Variants in SLIT3 observed in about 807,000 individuals in gnomAD.
SLIT3 encodes slit homolog 3 protein.
Under a neutral mutation model 184.0 loss-of-function variants are expected in SLIT3, and 68 were observed. The ratio of observed to expected loss-of-function variants is 0.37; its 90% CI spans 0.30 to 0.45. SLIT3 has a LOEUF of 0.45. Among genes scored for constraint, SLIT3 ranks in the 20% least tolerant of loss-of-function variants. SLIT3 has a pLI of 1.00. For synonymous variants in SLIT3, 831 were observed against 828.6 expected, an observed-to-expected ratio of 1.00 and a Z score of -0.05; for missense variants, 1,707 against 2,026.0, an observed-to-expected ratio of 0.84 and a Z score of 3.02.
chr5:169,274,485 G>A (rs143821263), intron 1 of SLIT3, among the ~76,000 whole-genome samples: 3,170 of 152,274 alleles, frequency 0.021, 62 homozygotes, highest in South Asian at 0.065. Context: ...AGTGCCTGGG[G>A]CCTAGTCAGT....
chr5:169,029,659 T>C (rs1482962661), intron 4 of SLIT3, among the ~76,000 whole-genome samples: 1 of 152,262 alleles, frequency 6.6e-6, no homozygotes, highest in Non-Finnish European at 1.5e-5. Context: ...CATCTTCCTG[T>C]GTTTTGCAAA....
chr5:169,220,901 A>G (rs1445754352), intron 3 of SLIT3, among the ~76,000 whole-genome samples: 1 of 151,764 alleles, frequency 6.6e-6, no homozygotes, highest in East Asian at 1.9e-4. Flanking sequence ...CTACCCCCCA[A>G]CTTCTCCCTT....
intron 4 of SLIT3, among the ~76,000 whole-genome samples, chr5:169,150,434 G>A (rs963846977): frequency 7.9e-5 from 12 of 151,912 alleles, no homozygotes; most frequent in Non-Finnish European, 1.5e-4. Context: ...CTAAACAAAG[G>A]TCTAACTAAG....
chr5:169,009,098 T>TA (rs5873139), intron 4 of SLIT3, among the ~76,000 whole-genome samples: 24,105 of 151,922 alleles, frequency 0.16, 2,145 homozygotes, highest in East Asian at 0.41. Flanking sequence ...AATTTTTTTT[T>TA]AAAAGAGAAA....
intron 9 of SLIT3, among the ~76,000 whole-genome samples, chr5:168,796,437 A>G (rs1468219994): frequency 6.6e-6 from 1 of 152,004 alleles, no homozygotes; most frequent in Non-Finnish European, 1.5e-5. Flanking sequence ...GGGGCGCTCT[A>G]TTCGGGGTGA....
At chr5:169,168,947 C>T (rs297863) in intron 4 of SLIT3, among the ~76,000 whole-genome samples, 36,378 of 152,176 alleles carry the variant, frequency 0.24, 4,893 homozygotes, top group Middle Eastern at 0.36. Context: ...GCTCCTCTCC[C>T]TCCACCAAAG....
chr5:169,033,328 C>G (rs1193473234), intron 4 of SLIT3, among the ~76,000 whole-genome samples: 2 of 152,108 alleles, frequency 1.3e-5, no homozygotes, highest in Non-Finnish European at 2.9e-5. Context: ...ACATATACCA[C>G]AGTGTATTCA....
At chr5:168,801,763 C>T (rs573445948) in intron 9 of SLIT3, among the ~76,000 whole-genome samples, 10 of 152,324 alleles carry the variant, frequency 6.6e-5, no homozygotes, top group South Asian at 2.1e-4. Context: ...ACGGTGCCAT[C>T]GGTGGGAGCT....
chr5:168,890,550 A>G (rs1385928837), intron 4 of SLIT3, among the ~76,000 whole-genome samples: 2 of 152,226 alleles, frequency 1.3e-5, no homozygotes, highest in Non-Finnish European at 2.9e-5. Context: ...ATTTTTAAAA[A>G]TTTAAAGTGA....
intron 8 of SLIT3, among the ~76,000 whole-genome samples, chr5:168,813,965 T>C (rs1757246786): frequency 6.6e-6 from 1 of 152,242 alleles, no homozygotes; most frequent in Non-Finnish European, 1.5e-5. Context: ...GCTACCCCAA[T>C]GCCTCTTTTC....
intron 1 of SLIT3, among the ~76,000 whole-genome samples, chr5:169,281,100 C>T (rs1766977234): frequency 6.6e-6 from 1 of 152,296 alleles, no homozygotes; most frequent in African/African-American, 2.4e-5. Context: ...CAATTACTGC[C>T]ATAGAGCCAA....
chr5:169,221,179 CAAACTT>C (rs1764608457), intron 3 of SLIT3, among the ~76,000 whole-genome samples: 1 of 152,208 alleles, frequency 6.6e-6, no homozygotes, highest in African/African-American at 2.4e-5. Flanking sequence ...TTTGTATAAT[CAAACTT>C]AAGCTCTTTT....
intron 4 of SLIT3, among the ~76,000 whole-genome samples, chr5:169,134,517 T>A (rs1561687546): frequency 2.6e-5 from 4 of 152,172 alleles, no homozygotes; most frequent in Admixed American, 6.5e-5. Context: ...ACTTAAACTG[T>A]GCATCCTCAG....
chr5:168,760,570 G>T (rs573478267), intron 16 of SLIT3, among the ~76,000 whole-genome samples: 1 of 152,192 alleles, frequency 6.6e-6, no homozygotes, highest in Non-Finnish European at 1.5e-5. Context: ...CCAGCCCTGG[G>T]GTAGGTGTTG....
At chr5:169,241,300 T>C (rs1267134634) in intron 3 of SLIT3, among the ~76,000 whole-genome samples, 6 of 152,244 alleles carry the variant, frequency 3.9e-5, no homozygotes, top group Non-Finnish European at 8.8e-5. Flanking sequence ...TATTTTATGA[T>C]AATTCTAACT....
chr5:169,148,924 CT>C (rs1275506464), intron 4 of SLIT3, among the ~76,000 whole-genome samples: 2 of 151,876 alleles, frequency 1.3e-5, no homozygotes, highest in Non-Finnish European at 2.9e-5. Flanking sequence ...ATTGGAAAAC[CT>C]TATCCCAGAC....
intron 35 of SLIT3, among the ~76,000 whole-genome samples, chr5:168,668,705 T>C (rs1385539899): frequency 1.3e-5 from 2 of 152,168 alleles, no homozygotes; most frequent in Admixed American, 1.3e-4. Flanking sequence ...CACCTCGGCC[T>C]CCCAAAATGC....
rs532223668 is a variant in SLIT3, at chr5:168,691,846, T to C, written c.3176+761A>G. On this transcript the variant is annotated intron_variant, in intron 29 of 35. Transcript: ENST00000519560. ...CCTCTCGATGTCAGAAAACCCCCAG[T>C]CTCAAGGGTCTCACAATCTTCTCTA... Among the ~76,000 whole-genome samples the C allele has an allele frequency of 3.4e-4, 51 of 152,168 alleles. 1 individual carries two copies. The South Asian group carries it at 7.7e-3, about 23-fold the overall frequency.
At chr5:168,730,406 C>G (rs1763258283) in intron 20 of SLIT3, among the ~76,000 whole-genome samples, 1 of 151,996 alleles carries the variant, frequency 6.6e-6, no homozygotes, top group South Asian at 2.1e-4. Flanking sequence ...AAATTCTACC[C>G]AACAATGACA....
Sources: allele counts gnomAD v4.1 joint callset (sites outside exome capture counted in the v4.1 genomes callset), GRCh38; gene constraint gnomAD v4.1.1; transcripts MANE v1.5; gene names NCBI Gene and HGNC (gene_info 2026-07-23, HGNC 2026-07-21).